The following IQSEC1 variants were observed in gnomAD, a reference collection of about 807,000 sequenced individuals.
IQSEC1 encodes IQ motif and SEC7 domain-containing protein 1.
A neutral mutation model predicts 91.0 loss-of-function variants in IQSEC1; 31 were observed. The observed-to-expected ratio is 0.34, with a 90% CI of 0.26 to 0.46. The LOEUF is 0.46. Among genes scored for constraint, IQSEC1 ranks in the 20% least tolerant of loss-of-function variants. IQSEC1 has a pLI of 1.00. For synonymous variants in IQSEC1, 699 were observed against 662.6 expected (o/e 1.05, Z -0.84); for missense variants, 1,388 against 1,575.6 (o/e 0.88, Z 2.02).
At chr3:13,033,227 G>T (rs539676632) in intron 1 of IQSEC1, among the ~76,000 whole-genome samples, 1 of 152,158 alleles carries the variant, frequency 6.6e-6, no homozygotes. Context: ...CCCAGACAGC[G>T]TCTCCTGACG....
chr3:12,900,527 TCTA>T lies in IQSEC1; in HGVS notation c.*453_*455del, dbSNP rs1427324714. 4.7e-5 allele frequency: 44 copies of T among 945,724 alleles called. No homozygotes were observed. In the Admixed American group the frequency reaches 1.1e-3, roughly 23 times the overall value. 58.6% of individuals were successfully genotyped at this position (945,724 alleles called of 1,614,324 possible). ...ACGTATTTTCATCAACCATATCAGGTCTACTTATTTTTTTGCCCATTGTCAATA... is the reference window on the plus strand; with the variant it reads ...ACGTATTTTCATCAACCATATCAGGTCTTATTTTTTTGCCCATTGTCAATA... On this transcript the variant is annotated 3_prime_UTR_variant, in exon 14 of 14. Transcript: ENST00000613206.
chr3:13,074,099 G>A (rs578053987), upstream of IQSEC1, among the ~76,000 whole-genome samples: 2 of 152,336 alleles, frequency 1.3e-5, no homozygotes, highest in Admixed American at 1.3e-4. Flanking sequence ...GGAAGTAAGT[G>A]TGCAGATATA....
intron 1 of IQSEC1, among the ~76,000 whole-genome samples, chr3:12,956,020 T>C (rs1337779709): frequency 6.6e-6 from 1 of 152,204 alleles, no homozygotes; most frequent in East Asian, 1.9e-4. Flanking sequence ...TAAGATTTTA[T>C]ATGAAAATCT....
At chr3:13,171,706 A>G (rs1693618584) in intron 1 of IQSEC1, among the ~76,000 whole-genome samples, 1 of 152,170 alleles carries the variant, frequency 6.6e-6, no homozygotes, top group Non-Finnish European at 1.5e-5. Context: ...CCCATTCCCT[A>G]TAATGCTTAA....
At position 12,922,453 on chromosome 3, in the gene IQSEC1, G is replaced by C. The variant is rs565838050; in HGVS notation, c.1731-211C>G. Among the ~76,000 whole-genome samples the C allele has an allele frequency of 2.0e-5, 3 of 152,336 alleles. No homozygotes were observed. Among genetic ancestry groups the C allele is most frequent in the Admixed American group, 1.3e-4 (2 of 15,314 alleles). ...GGGAGCCCACAAAGCCCCTGGAACT[G>C]TAGGGAAGCGCGTGTGCCTATATTT... On this transcript the variant is annotated intron_variant, in intron 4 of 13. Coordinates refer to ENST00000613206, the MANE Select transcript of IQSEC1 (RefSeq NM_001134382.3). The surrounding 1 kb of genome is among the most constrained non-coding windows in gnomAD (Gnocchi z 5.1).
At chr3:12,966,403 G>A (rs1168543058) in intron 1 of IQSEC1, among the ~76,000 whole-genome samples, 6 of 152,194 alleles carry the variant, frequency 3.9e-5, no homozygotes, top group African/African-American at 1.4e-4. Flanking sequence ...GAGGGGGCCT[G>A]ACATAAGCCA....
rs189162477 is a variant in IQSEC1, at chr3:13,282,201, G to A, written c.272+510C>T. On this transcript the variant is annotated intron_variant, in intron 1 of 15. Coordinates refer to the IQSEC1 transcript ENST00000648114. The surrounding 1 kb of genome is among the most constrained non-coding windows in gnomAD (Gnocchi z 6.4). ...AGGCGTCCACAGAAGAGGGCTCTGC[G>A]CGTCCCGGACTGGACACAGCGCAGA... Among the ~76,000 whole-genome samples the A allele has an allele frequency of 7.2e-5, 11 of 152,314 alleles. No individual in the cohort carries two copies. Among genetic ancestry groups the A allele is most frequent in the Non-Finnish European group, 1.5e-4 (10 of 68,020 alleles).
chr3:12,954,492 T>TG (rs1295038090), intron 1 of IQSEC1, among the ~76,000 whole-genome samples: 1 of 152,012 alleles, frequency 6.6e-6, no homozygotes. Flanking sequence ...GTGGCAAACA[T>TG]GGGGGAGAGG....
At position 13,047,266 on chromosome 3, in the gene IQSEC1, G is replaced by T. The variant is rs189280088; in HGVS notation, c.23+25726C>A. On this transcript the variant is annotated intron_variant, in intron 1 of 13. Transcript: ENST00000613206. Reference sequence around the variant, plus strand: ...ACTTCGACTGCAGTCCTGGTCTTTGGGGGGACCTTGATTTGAGGGGAAACC... The same window carrying T: ...ACTTCGACTGCAGTCCTGGTCTTTGTGGGGACCTTGATTTGAGGGGAAACC... Among the ~76,000 whole-genome samples, 10 of 152,312 alleles carry T rather than the reference G, an allele frequency of 6.6e-5. No individual in the cohort carries two copies. The East Asian group carries it at 1.7e-3, about 26-fold the overall frequency.
At chr3:13,026,346 G>A (rs959268195) in intron 1 of IQSEC1, among the ~76,000 whole-genome samples, 15 of 152,136 alleles carry the variant, frequency 9.9e-5, no homozygotes, top group African/African-American at 3.4e-4. Context: ...GCCCCATCAC[G>A]GGCCACACTG....
intron 2 of IQSEC1, among the ~76,000 whole-genome samples, chr3:13,096,783 T>C (rs1705970614): frequency 6.6e-6 from 1 of 151,984 alleles, no homozygotes; most frequent in South Asian, 2.1e-4. Context: ...CTCCCACCAG[T>C]GCTGGGCCTT....
chr3:13,022,245 C>A, intron 1 of IQSEC1: 1 of 1,226,170 alleles, frequency 8.2e-7, no homozygotes, highest in Non-Finnish European at 1.0e-6. Flanking sequence ...AAGAAAAGCC[C>A]CCAAAGTTAG....
At chr3:13,027,133 G>T (rs1183124936) in intron 1 of IQSEC1, among the ~76,000 whole-genome samples, 1 of 152,136 alleles carries the variant, frequency 6.6e-6, no homozygotes, top group Non-Finnish European at 1.5e-5. Flanking sequence ...AGAAGCATTG[G>T]CCTTTTGAGG....
intron 2 of IQSEC1, among the ~76,000 whole-genome samples, chr3:13,110,158 A>T (rs532767318): frequency 1.3e-5 from 2 of 152,038 alleles, no homozygotes; most frequent in East Asian, 3.9e-4. Context: ...CTGGGATTAC[A>T]GGCGTGAGCC....
At chr3:13,229,004 G>A (rs1694801616) in intron 1 of IQSEC1, among the ~76,000 whole-genome samples, 1 of 152,140 alleles carries the variant, frequency 6.6e-6, no homozygotes, top group African/African-American at 2.4e-5. Context: ...CACCACTAGA[G>A]CCTGGCCTGG....
At chr3:13,021,862 G>A (rs1317619760) in intron 1 of IQSEC1, among the ~76,000 whole-genome samples, 1 of 152,132 alleles carries the variant, frequency 6.6e-6, no homozygotes, top group East Asian at 1.9e-4. Flanking sequence ...CCAGCCAATC[G>A]CAGCACACCC....
chr3:13,095,018 C>T (rs1044924470), intron 2 of IQSEC1, among the ~76,000 whole-genome samples: 2 of 152,070 alleles, frequency 1.3e-5, no homozygotes, highest in African/African-American at 2.4e-5. Flanking sequence ...TTGTTGGAGC[C>T]ACACCTGGGC....
chr3:13,239,797 A>T (rs1694989302), intron 1 of IQSEC1, among the ~76,000 whole-genome samples: 2 of 152,268 alleles, frequency 1.3e-5, no homozygotes, highest in South Asian at 4.1e-4. Flanking sequence ...CGAAGCCTGC[A>T]GGACCACGTT....
intron 1 of IQSEC1, among the ~76,000 whole-genome samples, chr3:13,038,260 G>GTATATATATATATATATATATATA (rs1452632242): frequency 1.6e-5 from 1 of 62,376 alleles, no homozygotes; most frequent in Non-Finnish European, 3.1e-5. Context: ...GTGTGTGTGT[G>GTATATATATATATATATATATATA]TGTATATATA....
Sources: gnomAD v4.1 joint callset for allele counts (sites outside exome capture counted in the v4.1 genomes callset) on GRCh38, gnomAD v4.1.1 for gene constraint, Gnocchi (gnomAD v3.1) non-coding constraint, MANE v1.5 for transcripts, NCBI Gene and HGNC (gene_info 2026-07-23, HGNC 2026-07-21) for gene names.